The following ERP27 variants were observed in gnomAD, a reference collection of about 807,000 sequenced individuals.
The protein encoded by ERP27 is endoplasmic reticulum resident protein 27.
ERP27 carries 23 observed loss-of-function variants against 27.7 expected under a neutral mutation model. The observed-to-expected ratio is 0.83, with a 90% confidence interval of 0.60 to 1.18. The LOEUF (loss-of-function observed/expected upper bound fraction) is 1.18, where lower values mean the gene tolerates loss of function less well. Ranked by LOEUF, ERP27 falls within the 50% of genes most tolerant of loss-of-function variation. ERP27 has a pLI of 0.00. For missense variants in ERP27, 363 were observed against 327.9 expected (o/e 1.11, Z -0.83); for synonymous variants, 159 against 118.3 (o/e 1.34, Z -2.23).
At chr12:14,917,410 G>T in intron 4 of ERP27, 107 bp from the exon 5 acceptor site, 5 of 1,461,168 alleles carry the variant, frequency 3.4e-6, no homozygotes, top group Non-Finnish European at 4.7e-6. Context: ...GCTGGCCACT[G>T]GTAACACAAA....
intron 3 of ERP27, among the ~76,000 whole-genome samples, chr12:14,923,553 G>A (rs1863548582): frequency 6.9e-6 from 1 of 145,620 alleles, no homozygotes; most frequent in Non-Finnish European, 1.5e-5. Context: ...CCTATCTCCT[G>A]TTGGTTCTCT....
chr12:14,932,312 C>G (rs952136041), intron 3 of ERP27, among the ~76,000 whole-genome samples: 1 of 152,034 alleles, frequency 6.6e-6, no homozygotes, highest in African/African-American at 2.4e-5. Context: ...TTGGAGATTC[C>G]AGAGATATTT....
chr12:14,920,131 T>A (rs937494470), intron 4 of ERP27, among the ~76,000 whole-genome samples: 5 of 152,096 alleles, frequency 3.3e-5, no homozygotes, highest in Non-Finnish European at 7.4e-5. Flanking sequence ...TCAGGGAAAA[T>A]AAAGGATGGG....
At chr12:14,916,563 CT>C (rs1283074920) in intron 5 of ERP27, among the ~76,000 whole-genome samples, 1 of 152,094 alleles carries the variant, frequency 6.6e-6, no homozygotes, top group East Asian at 1.9e-4. Flanking sequence ...TTATAATATT[CT>C]GATCAGATGA....
In ERP27 at chr12:14,935,011, A is replaced by G. The variant is rs749115977; in HGVS notation, c.196-18T>C. The G allele has an allele frequency of 6.2e-7, 1 of 1,612,176 alleles. No homozygotes were observed. The highest frequency in any genetic ancestry group is 1.1e-5 in the South Asian group (1 of 90,850). On this transcript the variant is annotated intron_variant, in intron 2 of 6. Transcript: ENST00000266397. ...TCTAAATCCTAAAAACAAGAGAAAA[A>G]ATAATACCACAGTGGTTATTTCGAA...
chr12:14,921,128 A>T, intron 3 of ERP27, 80 bp from the exon 4 acceptor site: 1 of 1,157,178 alleles, frequency 8.6e-7, no homozygotes, highest in Admixed American at 1.8e-5. Flanking sequence ...CCCCCATGTG[A>T]CAGGCACTGA....
chr12:14,915,668 C>G lies in ERP27; in HGVS notation c.595G>C (p.Asp199His), dbSNP rs750012677. Residue 199 changes from aspartate (D) to histidine (H), a missense_variant, in exon 6 of 7, where the codon GAC becomes CAC. Physicochemically the swap from Asp to His is moderately conservative, Grantham distance 81. Transcript: ENST00000266397. ...FQGKILFILV[D>H]SGMKENGKVI... ...TTCCCATTTTCTTTCATACCACTGT[C>G]CACCAGAATAAAGAGAATCTGCAGT... The G allele has an allele frequency of 3.8e-5, 62 of 1,613,676 alleles. No individual in the cohort carries two copies. The highest frequency in any genetic ancestry group is 5.2e-5 in the Non-Finnish European group (61 of 1,179,738).
At chr12:14,926,662 A>G (rs1054325912) in intron 3 of ERP27, among the ~76,000 whole-genome samples, 3 of 152,290 alleles carry the variant, frequency 2.0e-5, no homozygotes, top group East Asian at 1.9e-4. Flanking sequence ...AGAACCTAAT[A>G]TTAATTGGCA....
chr12:14,921,356 T>C (rs1863500633), intron 3 of ERP27, among the ~76,000 whole-genome samples: 1 of 152,066 alleles, frequency 6.6e-6, no homozygotes, highest in Non-Finnish European at 1.5e-5. Context: ...ATCAGATAAA[T>C]GAGGATGAGG....
At chr12:14,921,728 G>C (rs1442992295) in intron 3 of ERP27, among the ~76,000 whole-genome samples, 1 of 151,928 alleles carries the variant, frequency 6.6e-6, no homozygotes, top group African/African-American at 2.4e-5. Context: ...CCCAAGTCAA[G>C]AAATAGAATA....
At chr12:14,921,118 C>G in intron 3 of ERP27, 70 bp from the exon 4 acceptor site, 1 of 1,280,910 alleles carries the variant, frequency 7.8e-7, no homozygotes, top group Non-Finnish European at 1.1e-6. Context: ...CGTCTTTAGA[C>G]CCCCATGTGA....
At chr12:14,937,234 G>T (rs1237102574) in intron 2 of ERP27, among the ~76,000 whole-genome samples, 1 of 152,206 alleles carries the variant, frequency 6.6e-6, no homozygotes, top group African/African-American at 2.4e-5. Flanking sequence ...GGGTAATCAG[G>T]AGTTGTAACT....
At position 14,914,744 on chromosome 12, in the gene ERP27, C is replaced by T. The variant is rs1020975171; in HGVS notation, c.813G>A (p.Val271=). ...TAGTTCCAAGGAGAAGTCAGAGTTC[C>T]ACCTTTGGAGTCTTTCCTTCTGATT... The part of the protein sequence containing the change: ...NRESEGKTPK[V]EL Residue 271 remains valine, a synonymous_variant, in exon 7 of 7, where the codon GTG becomes GTA. Transcript: ENST00000266397. The T allele has an allele frequency of 3.1e-6, 5 of 1,613,506 alleles. No homozygotes were observed. The highest frequency in any genetic ancestry group is 4.2e-6 in the Non-Finnish European group (5 of 1,179,792).
At chr12:14,934,532 A>T (rs763953004) in intron 3 of ERP27, among the ~76,000 whole-genome samples, 2 of 152,206 alleles carry the variant, frequency 1.3e-5, no homozygotes, top group Admixed American at 6.5e-5. Flanking sequence ...GACCTTAGAG[A>T]TAATACAGTC....
chr12:14,917,009 T>C (rs1863420177), intron 5 of ERP27, among the ~76,000 whole-genome samples, 169 bp downstream of exon 5: 1 of 152,232 alleles, frequency 6.6e-6, no homozygotes, highest in Admixed American at 6.5e-5. Context: ...TATGATAAAA[T>C]ACAACATCTC....
intron 3 of ERP27, among the ~76,000 whole-genome samples, chr12:14,933,978 T>C (rs1272771522): frequency 6.6e-6 from 1 of 152,238 alleles, no homozygotes; most frequent in African/African-American, 2.4e-5. Flanking sequence ...AAAACACATT[T>C]CTGTTCATGT....
intron 3 of ERP27, among the ~76,000 whole-genome samples, chr12:14,930,583 A>G (rs987728726): frequency 2.6e-5 from 4 of 152,142 alleles, no homozygotes; most frequent in Non-Finnish European, 5.9e-5. Context: ...TACACTCACA[A>G]AAGACAGGCT....
At chr12:14,937,041 A>T (rs1863783411) in intron 2 of ERP27, among the ~76,000 whole-genome samples, 1 of 152,184 alleles carries the variant, frequency 6.6e-6, no homozygotes, top group Non-Finnish European at 1.5e-5. Flanking sequence ...AAATGATGGC[A>T]TCTGGCGGCT....
intron 3 of ERP27, among the ~76,000 whole-genome samples, chr12:14,929,993 C>G (rs1222006007): frequency 6.8e-6 from 1 of 148,128 alleles, no homozygotes; most frequent in African/African-American, 2.5e-5. Context: ...GGTAGGGGAA[C>G]ATCACACACC....
Sources: allele counts gnomAD v4.1 joint callset (sites outside exome capture counted in the v4.1 genomes callset), GRCh38; gene constraint gnomAD v4.1.1; transcripts MANE v1.5; gene names NCBI Gene and HGNC (gene_info 2026-07-23, HGNC 2026-07-21).